The following TRAPPC13 variants were observed in gnomAD, a reference collection of about 807,000 sequenced individuals.
The protein encoded by TRAPPC13 is trafficking protein particle complex subunit 13.
TRAPPC13 carries 39 observed loss-of-function variants against 54.0 expected under a neutral mutation model. That is an observed-to-expected ratio of 0.72 (90% CI 0.56 to 0.94). The LOEUF (loss-of-function observed/expected upper bound fraction) is 0.94. Among genes scored for constraint, TRAPPC13 ranks in the 40% least tolerant of loss-of-function variants. The pLI is 0.00. For synonymous variants in TRAPPC13, 148 were observed against 167.7 expected, an observed-to-expected ratio of 0.88 and a Z score of 0.91; for missense variants, 386 against 488.1, an observed-to-expected ratio of 0.79 and a Z score of 1.97.
intron 1 of TRAPPC13, among the ~76,000 whole-genome samples, chr5:65,626,702 C>T (rs1322368759): frequency 2.0e-5 from 3 of 152,020 alleles, no homozygotes; most frequent in African/African-American, 4.8e-5. Context: ...CGCCACTGCA[C>T]GCCATCCTAG....
At chr5:65,634,196 A>G (rs1211037017) in intron 1 of TRAPPC13, among the ~76,000 whole-genome samples, 4 of 151,952 alleles carry the variant, frequency 2.6e-5, no homozygotes, top group African/African-American at 9.7e-5. Context: ...CGTGTTAGCC[A>G]GGATAGTCTC....
Position 65,629,859 on chromosome 5 carries a change from T to C in TRAPPC13, c.46+4753T>C, listed in dbSNP as rs947835329. 3 of 1,536,068 alleles carry C rather than the reference T, an allele frequency of 2.0e-6. No homozygotes were observed. In the African/African-American group the frequency reaches 4.1e-5, roughly 21 times the overall value. The stretch of plus-strand genomic sequence containing the variant: ...AGTTATGATTGCACAGTAGATCTAT[T>C]GGAGTTTCAACCTAGCTTGAAAAAG... On this transcript the variant is annotated intron_variant, in intron 1 of 12. Coordinates refer to ENST00000399438, the MANE Select transcript of TRAPPC13 (RefSeq NM_024941.4).
rs1359046266 is a variant in TRAPPC13 at position 65,664,505 on chromosome 5, G to A, written c.1148G>A (p.Ser383Asn). 2.7e-6 allele frequency: 4 copies of A among 1,503,700 alleles called. No individual in the cohort carries two copies. The highest frequency in any genetic ancestry group is 1.8e-6 in the Non-Finnish European group (2 of 1,093,948). The allele number at this position is 1,503,700 out of a possible 1,614,324, so 93.1% of individuals were successfully genotyped here. Reference sequence around the variant, plus strand: ...ACTCATCTCTCTCTCTCTCAATAGAGCATCTCTGGCTTAAGACTAACAGAC... The same window carrying A: ...ACTCATCTCTCTCTCTCTCAATAGAACATCTCTGGCTTAAGACTAACAGAC... ...TLLSSVQGLQ[S>N]ISGLRLTDTF... The change falls in exon 13 of 13, where the codon AGC (serine) becomes AAC (asparagine). Residue 383 changes from serine to asparagine, a missense_variant and splice_region_variant. Transcript: ENST00000399438.
At chr5:65,644,881 CAAAA>C (rs34137576) in intron 4 of TRAPPC13, among the ~76,000 whole-genome samples, 5 of 124,976 alleles carry the variant, frequency 4.0e-5, no homozygotes, top group Non-Finnish European at 5.0e-5. Flanking sequence ...ACTCCGTCTC[CAAAA>C]AAAAAAAAAA....
intron 11 of TRAPPC13, 21 bp from the exon 12 acceptor site, chr5:65,664,216 T>G: frequency 1.2e-6 from 2 of 1,609,482 alleles, no homozygotes; most frequent in Non-Finnish European, 1.7e-6. Flanking sequence ...TTTATTCCTA[T>G]TATTCTGATT....
intron 1 of TRAPPC13, chr5:65,630,695 A>G (rs1218845352): frequency 2.0e-6 from 2 of 992,578 alleles, no homozygotes; most frequent in African/African-American, 3.5e-5. Context: ...ATAAAACTCG[A>G]AACAATTCTC....
At position 65,637,790 on chromosome 5, in the gene TRAPPC13, A is replaced by G; in HGVS notation, c.300+10A>G. On this transcript the variant is annotated intron_variant, in intron 4 of 12. Coordinates refer to ENST00000399438, the MANE Select transcript of TRAPPC13 (RefSeq NM_024941.4). ...AGACATATTAGTAAAAGTAAGTAAC[A>G]TTCTTACTTGGGATGTATTTTAGTC... is the stretch of plus-strand genomic sequence containing the variant. 6.8e-7 allele frequency: 1 copy of G among 1,469,002 alleles called. No individual in the cohort carries two copies. Among genetic ancestry groups the G allele is most frequent in the Non-Finnish European group, 9.3e-7 (1 of 1,070,974 alleles). 91.0% of individuals were successfully genotyped at this position (1,469,002 alleles called of 1,614,324 possible). A position where few individuals can be genotyped will look rare whatever the true frequency, so the allele number is the denominator to read the frequency against.
rs757952225 is a variant in TRAPPC13, at chr5:65,664,621, CCAATGTTAGGCTTTT to C, written c.*13_*27del. ...TAAAGTGGAAAGCTGAAGGAAACTTCCAATGTTAGGCTTTTCATTTAGTTTCACAGAACTGCTCTT... is the reference window on the plus strand; with the variant it reads ...TAAAGTGGAAAGCTGAAGGAAACTTCCATTTAGTTTCACAGAACTGCTCTT... On this transcript the variant is annotated 3_prime_UTR_variant, in exon 13 of 13. Coordinates refer to ENST00000399438, the MANE Select transcript of TRAPPC13 (RefSeq NM_024941.4). The C allele has an allele frequency of 6.3e-7, 1 of 1,598,070 alleles. No individual in the cohort carries two copies. The highest frequency in any genetic ancestry group is 1.1e-5 in the South Asian group (1 of 89,754).
chr5:65,652,498 C>T lies in TRAPPC13; in HGVS notation c.502-3C>T, dbSNP rs2150685370. The T allele has an allele frequency of 2.5e-6, 4 of 1,600,410 alleles. No homozygotes were observed. The highest frequency in any genetic ancestry group is 3.4e-6 in the Non-Finnish European group (4 of 1,168,372). On this transcript the variant is annotated splice_polypyrimidine_tract_variant and splice_region_variant and intron_variant, in intron 6 of 12. Coordinates refer to ENST00000399438, the MANE Select transcript of TRAPPC13 (RefSeq NM_024941.4). Reference sequence around the variant, plus strand: ...TCCTGATTGATATGCTTTATTTAACCAGGTTCTCAAACCATTGGATGTGAA... The same window carrying T: ...TCCTGATTGATATGCTTTATTTAACTAGGTTCTCAAACCATTGGATGTGAA...
Position 65,660,885 on chromosome 5 carries a change from A to C in TRAPPC13, c.885A>C (p.Gln295His), listed in dbSNP as rs372241106. ...AAAGGGGAAGGTTACAGACCAGCCA[A>C]CTTCAAAGAATGGTGAGTCTGGAAA... is the stretch of plus-strand genomic sequence containing the variant. ...LGERGRLQTS[Q>H]LQRMAPGYGD... The change falls in exon 10 of 13, where the codon CAA becomes CAC. Residue 295 changes from glutamine (Q) to histidine (H), a missense_variant. By Grantham distance (24) the Gln-to-His change is conservative (BLOSUM62 0). Transcript: ENST00000399438. 1 of 1,609,272 alleles carries C rather than the reference A, an allele frequency of 6.2e-7. No individual in the cohort carries two copies. Among genetic ancestry groups the C allele is most frequent in the East Asian group, 2.2e-5 (1 of 44,790 alleles).
chr5:65,630,551 A>G (rs1755498067), intron 1 of TRAPPC13: 1 of 1,233,914 alleles, frequency 8.1e-7, no homozygotes, highest in Non-Finnish European at 1.0e-6. Flanking sequence ...GAAGGTAAAA[A>G]TGTTCTGTTC....
chr5:65,661,266 T>C (rs1421468545), intron 10 of TRAPPC13: 1 of 157,364 alleles, frequency 6.4e-6, no homozygotes, highest in Non-Finnish European at 1.4e-5. Flanking sequence ...ATTCACCTAC[T>C]CAGTTCCTAC....
chr5:65,625,217 C>T (rs1755154142), intron 1 of TRAPPC13, 111 bp downstream of exon 1: 1 of 919,466 alleles, frequency 1.1e-6, no homozygotes, highest in South Asian at 1.4e-5. Context: ...GCTCGCCCTC[C>T]TGCTCTGTCC....
intron 4 of TRAPPC13, among the ~76,000 whole-genome samples, chr5:65,638,476 G>A (rs1276915093): frequency 6.6e-6 from 1 of 152,164 alleles, no homozygotes; most frequent in Non-Finnish European, 1.5e-5. Flanking sequence ...AGATAACAAG[G>A]CAAGGGAGAC....
rs989360337 is a variant in TRAPPC13 at position 65,635,372 on chromosome 5, A to G, written c.115+3A>G. 1.2e-6 allele frequency: 2 copies of G among 1,612,140 alleles called. No homozygotes were observed. ...ATGTGAAGAGAAAGACTTACCTGGT[A>G]TGGCACATGCTTTCCTCTATTTGCA... On this transcript the variant is annotated splice_donor_region_variant and intron_variant, in intron 2 of 12. Coordinates refer to ENST00000399438, the MANE Select transcript of TRAPPC13 (RefSeq NM_024941.4).
intron 1 of TRAPPC13, among the ~76,000 whole-genome samples, chr5:65,625,723 T>TA (rs1298662935): frequency 6.6e-6 from 1 of 152,214 alleles, no homozygotes; most frequent in Non-Finnish European, 1.5e-5. Context: ...CTTTTTTTTT[T>TA]AGGACAATTT....
At chr5:65,653,961 T>C (rs1200205251) in intron 7 of TRAPPC13, among the ~76,000 whole-genome samples, 1 of 152,140 alleles carries the variant, frequency 6.6e-6, no homozygotes, top group East Asian at 1.9e-4. Flanking sequence ...AAAGATTTCA[T>C]TTATAGTATG....
intron 7 of TRAPPC13, among the ~76,000 whole-genome samples, chr5:65,654,930 A>G (rs1420326149): frequency 2.0e-5 from 3 of 152,226 alleles, no homozygotes; most frequent in Non-Finnish European, 4.4e-5. Flanking sequence ...TGATGCAACT[A>G]TAATGTAAGC....
Position 65,658,503 on chromosome 5 carries a change from T to C in TRAPPC13, c.698+2T>C. On this transcript the variant is annotated splice_donor_variant, in intron 9 of 12. Transcript: ENST00000399438. LOFTEE classifies it high-confidence loss of function. ...TTCAGTCAGCCAAGCTGGAGAATGG[T>C]AAATATTAATTTATGAAGTCTTTAT... The C allele has an allele frequency of 6.4e-7, 1 of 1,553,700 alleles. No individual in the cohort carries two copies. The highest frequency in any genetic ancestry group is 8.7e-7 in the Non-Finnish European group (1 of 1,147,312).
Sources: allele counts gnomAD v4.1 joint callset (sites outside exome capture counted in the v4.1 genomes callset), GRCh38; gene constraint gnomAD v4.1.1; transcripts MANE v1.5; gene names NCBI Gene and HGNC (gene_info 2026-07-23, HGNC 2026-07-21).